The following SORCS2 variants were observed in gnomAD, a reference collection of about 807,000 sequenced individuals.
The protein encoded by SORCS2 is sortilin related VPS10 domain containing receptor 2.
A neutral mutation model predicts 141.6 loss-of-function variants in SORCS2; 100 were observed. The ratio of observed to expected loss-of-function variants is 0.71; its 90% CI spans 0.60 to 0.83. SORCS2 has a LOEUF of 0.83. SORCS2 is among the 40% of genes least tolerant of loss of function. The probability of loss-of-function intolerance (pLI) is 0.00; values close to 1 mark genes in which losing one functional copy is unlikely to be tolerated. For synonymous variants in SORCS2, 789 were observed against 676.9 expected (o/e 1.17, Z -2.57); for missense variants, 1,646 against 1,560.2 (o/e 1.05, Z -0.93).
intron 1 of SORCS2, among the ~76,000 whole-genome samples, chr4:7,378,569 G>T (rs1722797735): frequency 6.6e-6 from 1 of 152,176 alleles, no homozygotes; most frequent in South Asian, 2.1e-4. Flanking sequence ...AGAATGGCAT[G>T]GGGGAATCCA....
At chr4:7,512,172 C>CGTTAAGGG (rs1732697919) in intron 2 of SORCS2, among the ~76,000 whole-genome samples, 1 of 152,010 alleles carries the variant, frequency 6.6e-6, no homozygotes, top group African/African-American at 2.4e-5. Flanking sequence ...CAGGCGGTGT[C>CGTTAAGGG]GTTAAGGGAG....
intron 2 of SORCS2, among the ~76,000 whole-genome samples, chr4:7,478,696 G>A (rs115764056): frequency 0.012 from 1,800 of 152,252 alleles, 31 homozygotes; most frequent in African/African-American, 0.041. Flanking sequence ...GTGGGTGCCC[G>A]ATCAATATTT....
At position 7,676,217 on chromosome 4, in the gene SORCS2, C is replaced by T. The variant is rs529752791; in HGVS notation, c.1329C>T (p.Ile443=). ...SSRQAEESVL[I]DILEVRGVKG... ...GGCAGGCGGAGGAGAGCGTGCTCAT[C>T]GACATCCTGGAGGTGGGTCCAGGGT... Residue 443 remains isoleucine (I), a synonymous_variant, in exon 9 of 27, where the codon ATC becomes ATT. Coordinates refer to ENST00000507866, the MANE Select transcript of SORCS2 (RefSeq NM_020777.3). The T allele has an allele frequency of 1.7e-5, 26 of 1,550,836 alleles. No individual in the cohort carries two copies. Among genetic ancestry groups the T allele is most frequent in the South Asian group, 7.1e-5 (6 of 84,004 alleles).
chr4:7,503,746 G>T (rs1442067594), intron 2 of SORCS2, among the ~76,000 whole-genome samples: 1 of 152,168 alleles, frequency 6.6e-6, no homozygotes, highest in Non-Finnish European at 1.5e-5. Flanking sequence ...GCTAATGCAG[G>T]CCCAGAATGA....
At chr4:7,651,480 C>T (rs1398773975) in intron 4 of SORCS2, among the ~76,000 whole-genome samples, 1 of 152,188 alleles carries the variant, frequency 6.6e-6, no homozygotes, top group East Asian at 1.9e-4. Context: ...TCTGCTATCC[C>T]GTTAATCTCC....
intron 2 of SORCS2, among the ~76,000 whole-genome samples, chr4:7,403,982 TATATATATA>T (rs1724776466): frequency 5.1e-5 from 1 of 19,796 alleles, no homozygotes; most frequent in Non-Finnish European, 1.1e-4. Context: ...TATATATATA[TATATATATA>T]TATATATTTT....
chr4:7,293,302 TAA>T (rs74517356), intron 1 of SORCS2, among the ~76,000 whole-genome samples: 48 of 127,362 alleles, frequency 3.8e-4, no homozygotes, highest in Non-Finnish European at 2.5e-4. Flanking sequence ...AGACTCCATC[TAA>T]AAAAAAAAAA....
At chr4:7,500,101 C>A (rs1179038743) in intron 2 of SORCS2, among the ~76,000 whole-genome samples, 1 of 152,184 alleles carries the variant, frequency 6.6e-6, no homozygotes, top group Non-Finnish European at 1.5e-5. Context: ...CGGCTTCTGG[C>A]ACCCCCATCC....
At chr4:7,483,916 A>G (rs1730814735) in intron 2 of SORCS2, among the ~76,000 whole-genome samples, 1 of 149,752 alleles carries the variant, frequency 6.7e-6, no homozygotes. Context: ...AAGTGAAAAA[A>G]CAAACAAACA....
At chr4:7,249,951 A>G in intron 1 of SORCS2, among the ~76,000 whole-genome samples, 1 of 152,294 alleles carries the variant, frequency 6.6e-6, no homozygotes, top group Non-Finnish European at 1.5e-5. Context: ...TCTCTAAGAA[A>G]GAGGGGTAGG....
In SORCS2 at chr4:7,613,840, C is replaced by G. The variant is rs112432483; in HGVS notation, c.649-24488C>G. 6.1e-3 allele frequency among the ~76,000 whole-genome samples: 928 copies of G among 151,986 alleles called. 12 individuals carry two copies. The highest frequency in any genetic ancestry group is 0.021 in the African/African-American group (878 of 41,404). On this transcript the variant is annotated intron_variant, in intron 3 of 26. Transcript: ENST00000507866. ...CCATTTATCCATCCACCTATCCATT[C>G]ACTCATCCGCCATCTACCCATATAC...
At chr4:7,551,870 A>G (rs981424363) in intron 3 of SORCS2, among the ~76,000 whole-genome samples, 5 of 152,246 alleles carry the variant, frequency 3.3e-5, no homozygotes, top group Admixed American at 1.3e-4. Flanking sequence ...AACAAATTGT[A>G]ATATACAAAT....
At chr4:7,448,026 G>A (rs975015054) in intron 2 of SORCS2, among the ~76,000 whole-genome samples, 1 of 152,178 alleles carries the variant, frequency 6.6e-6, no homozygotes, top group Non-Finnish European at 1.5e-5. Flanking sequence ...TGAGCGGCTC[G>A]TGCTGGGGTC....
intron 8 of SORCS2, among the ~76,000 whole-genome samples, chr4:7,671,064 A>T (rs1722771194): frequency 6.6e-6 from 1 of 152,206 alleles, no homozygotes; most frequent in Non-Finnish European, 1.5e-5. Context: ...CAATGTAGAA[A>T]ATCAGCAGGC....
chr4:7,740,993 C>A lies in SORCS2; in HGVS notation c.*729C>A. The A allele has an allele frequency of 2.5e-6, 1 of 398,656 alleles. No individual in the cohort carries two copies. Among genetic ancestry groups the A allele is most frequent in the South Asian group, 1.3e-4 (1 of 7,692 alleles). 24.7% of individuals were successfully genotyped at this position (398,656 alleles called of 1,614,324 possible). A position where few individuals can be genotyped will look rare whatever the true frequency, so the allele number is the denominator to read the frequency against. ...AGGGGCAGCAGCTCTCCCTGGTTCT[C>A]CCCAGGGCAGACGGGGTAGGGCGGG... On this transcript the variant is annotated 3_prime_UTR_variant, in exon 27 of 27. Coordinates refer to ENST00000507866, the MANE Select transcript of SORCS2 (RefSeq NM_020777.3).
chr4:7,489,154 C>A (rs1261566972), intron 2 of SORCS2, among the ~76,000 whole-genome samples: 1 of 152,146 alleles, frequency 6.6e-6, no homozygotes, highest in Non-Finnish European at 1.5e-5. Context: ...AACGCTGGAG[C>A]CAAAAGCTGG....
intron 1 of SORCS2, among the ~76,000 whole-genome samples, chr4:7,385,005 G>T (rs1723206683): frequency 6.6e-6 from 1 of 152,216 alleles, no homozygotes. Flanking sequence ...TGGAGGGAGA[G>T]CCTTCAGGGA....
In SORCS2 at chr4:7,664,344, C is replaced by G. The variant is rs1159443911; in HGVS notation, c.953-9C>G. The G allele has an allele frequency of 1.2e-6, 2 of 1,611,890 alleles. No individual in the cohort carries two copies. The highest frequency in any genetic ancestry group is 1.7e-6 in the Non-Finnish European group (2 of 1,178,594). ...TCTGACCGCCTGGGTCGGCGCCTCT[C>G]TCCTGTAGATTTTCGGTACGTCACC... is the stretch of plus-strand genomic sequence containing the variant. On this transcript the variant is annotated splice_polypyrimidine_tract_variant and intron_variant, in intron 6 of 26. Coordinates refer to ENST00000507866, the MANE Select transcript of SORCS2 (RefSeq NM_020777.3). This position sits in a 1 kb window ranked among gnomAD's most constrained non-coding sequence, Gnocchi z 4.7.
intron 3 of SORCS2, among the ~76,000 whole-genome samples, chr4:7,595,875 C>A (rs1205700119): frequency 6.6e-6 from 1 of 152,166 alleles, no homozygotes; most frequent in South Asian, 2.1e-4. Flanking sequence ...GTGGACAAGC[C>A]CGACGCGGAC....
Sources: gnomAD v4.1 joint callset for allele counts (sites outside exome capture counted in the v4.1 genomes callset) on GRCh38, gnomAD v4.1.1 for gene constraint, Gnocchi (gnomAD v3.1) non-coding constraint, MANE v1.5 for transcripts, NCBI Gene and HGNC (gene_info 2026-07-23, HGNC 2026-07-21) for gene names.